ARHGEF26: variants seen among roughly 807,000 people sequenced by gnomAD.
ARHGEF26 encodes the protein Rho guanine nucleotide exchange factor 26, also known as Rho guanine nucleotide exchange factor (GEF) 26.
Under a neutral mutation model 89.4 loss-of-function variants are expected in ARHGEF26, and 59 were observed. The ratio of observed to expected loss-of-function variants is 0.66; its 90% CI spans 0.54 to 0.82. The LOEUF (loss-of-function observed/expected upper bound fraction) is 0.82, where lower values mean the gene tolerates loss of function less well. Ranked by LOEUF, ARHGEF26 falls within the 40% of genes least tolerant of loss-of-function variation. The probability of loss-of-function intolerance (pLI) is 0.00; values close to 1 mark genes in which losing one functional copy is unlikely to be tolerated. For synonymous variants in ARHGEF26, 500 were observed against 428.4 expected (o/e 1.17, Z -2.06); for missense variants, 1,234 against 1,085.6 (o/e 1.14, Z -1.92).
intron 6 of ARHGEF26, among the ~76,000 whole-genome samples, chr3:154,165,470 A>G (rs529244871): frequency 6.6e-6 from 1 of 152,306 alleles, no homozygotes; most frequent in East Asian, 1.9e-4. Flanking sequence ...TTTTCTCTGC[A>G]TGCTGTTGAA....
At chr3:154,141,466 A>G (rs1719379242) in intron 4 of ARHGEF26, among the ~76,000 whole-genome samples, 1 of 152,162 alleles carries the variant, frequency 6.6e-6, no homozygotes, top group South Asian at 2.1e-4. Flanking sequence ...TCCATGATGT[A>G]CTATGGCACA....
At chr3:154,125,053 C>G (rs932505904) in intron 3 of ARHGEF26, among the ~76,000 whole-genome samples, 4 of 151,240 alleles carry the variant, frequency 2.6e-5, no homozygotes, top group African/African-American at 9.7e-5. Context: ...ATAGATGGGT[C>G]AAGCGTCAGC....
intron 3 of ARHGEF26, among the ~76,000 whole-genome samples, chr3:154,128,803 C>G (rs147315840): frequency 2.0e-5 from 3 of 152,176 alleles, no homozygotes. Flanking sequence ...TCCAGTGAGG[C>G]CTTCCTAAAC....
chr3:154,228,586 T>G (rs1264400499), intron 11 of ARHGEF26, among the ~76,000 whole-genome samples: 4 of 152,060 alleles, frequency 2.6e-5, no homozygotes, highest in Admixed American at 2.6e-4. Context: ...TCATTATATT[T>G]CTAGGGTGTT....
chr3:154,132,614 C>T (rs1051281956), intron 4 of ARHGEF26, among the ~76,000 whole-genome samples: 3 of 152,078 alleles, frequency 2.0e-5, no homozygotes, highest in South Asian at 2.1e-4. Flanking sequence ...CAAAAGTGAT[C>T]GGCACCTCTA....
chr3:154,248,932 T>C (rs975272464), intron 12 of ARHGEF26, among the ~76,000 whole-genome samples: 1 of 152,158 alleles, frequency 6.6e-6, no homozygotes, highest in African/African-American at 2.4e-5. Flanking sequence ...TGAACTAATC[T>C]AGTTGAATTG....
intron 7 of ARHGEF26, among the ~76,000 whole-genome samples, chr3:154,188,677 G>A (rs1201893692): frequency 6.6e-6 from 1 of 152,060 alleles, no homozygotes; most frequent in Non-Finnish European, 1.5e-5. Context: ...ATGGAGCTTC[G>A]GTCAACTTCT....
At chr3:154,213,817 TA>T (rs904795521) in intron 9 of ARHGEF26, among the ~76,000 whole-genome samples, 1 of 152,080 alleles carries the variant, frequency 6.6e-6, no homozygotes, top group Non-Finnish European at 1.5e-5. Flanking sequence ...TTCTTTTTTT[TA>T]AAAATGACTT....
At chr3:154,127,583 C>G (rs1011410125) in intron 3 of ARHGEF26, among the ~76,000 whole-genome samples, 7 of 139,742 alleles carry the variant, frequency 5.0e-5, no homozygotes, top group Admixed American at 2.3e-4. Flanking sequence ...CTGCCTGAGG[C>G]TGTTTCACAG....
At chr3:154,166,080 T>G (rs945138739) in intron 6 of ARHGEF26, among the ~76,000 whole-genome samples, 17 of 152,168 alleles carry the variant, frequency 1.1e-4, no homozygotes, top group African/African-American at 4.1e-4. Flanking sequence ...CTCGCTCTAT[T>G]GCCCAGGCTG....
At chr3:154,150,682 T>G (rs1719969301) in intron 5 of ARHGEF26, among the ~76,000 whole-genome samples, 1 of 152,138 alleles carries the variant, frequency 6.6e-6, no homozygotes, top group Non-Finnish European at 1.5e-5. Context: ...TTGTTAACAT[T>G]GTGACATAAA....
At chr3:154,140,348 C>T (rs1472963821) in intron 4 of ARHGEF26, among the ~76,000 whole-genome samples, 3 of 152,096 alleles carry the variant, frequency 2.0e-5, no homozygotes, top group Admixed American at 2.0e-4. Context: ...ATGTTAAATG[C>T]GGCTGCTAGT....
rs534524098 is a variant in ARHGEF26 at position 154,205,665 on chromosome 3, T to G, written c.1845+10947T>G. Among the ~76,000 whole-genome samples, 39 of 152,316 alleles carry G rather than the reference T, an allele frequency of 2.6e-4. 5 individuals carry two copies. The highest frequency in any genetic ancestry group is 1.3e-3 in the Admixed American group (20 of 15,294). ...TTTTTTGCTTTTTATTTTTTGTGTTTAAGGTTATCATGAGGCTTGCAAATA... is the reference window on the plus strand; with the variant it reads ...TTTTTTGCTTTTTATTTTTTGTGTTGAAGGTTATCATGAGGCTTGCAAATA... On this transcript the variant is annotated intron_variant, in intron 9 of 14. Transcript: ENST00000465093.
chr3:154,155,688 T>G (rs1434970429), intron 6 of ARHGEF26, among the ~76,000 whole-genome samples: 2 of 152,030 alleles, frequency 1.3e-5, no homozygotes, highest in East Asian at 3.8e-4. Flanking sequence ...GCCTTTTCAA[T>G]AGAGTATGTA....
intron 9 of ARHGEF26, among the ~76,000 whole-genome samples, chr3:154,210,299 G>A (rs545144981): frequency 7.1e-4 from 108 of 152,142 alleles, no homozygotes; most frequent in South Asian, 2.1e-3. Context: ...CAGGGCCCTC[G>A]GCATAGTACC....
At chr3:154,253,231 G>T (rs751115572) in intron 13 of ARHGEF26, 48 bp downstream of exon 13, 1 of 1,602,578 alleles carries the variant, frequency 6.2e-7, no homozygotes, top group Non-Finnish European at 8.5e-7. Flanking sequence ...GATGGGCTCT[G>T]CCCCCTGCTG....
In ARHGEF26 at chr3:154,219,664, C is replaced by T. The variant is rs144880413; in HGVS notation, c.1935+1706C>T. 2.9e-3 allele frequency among the ~76,000 whole-genome samples: 445 copies of T among 151,420 alleles called. 1 individual carries two copies. The highest frequency in any genetic ancestry group is 0.01 in the African/African-American group (418 of 41,300). Reference sequence around the variant, plus strand: ...TTAATTTGTAATTGAAAAATGCTAACCCCAAGGATCATTAAAAGTAAGTGA... The same window carrying T: ...TTAATTTGTAATTGAAAAATGCTAATCCCAAGGATCATTAAAAGTAAGTGA... On this transcript the variant is annotated intron_variant, in intron 10 of 14. Coordinates refer to ENST00000465093, the MANE Select transcript of ARHGEF26 (RefSeq NM_015595.4).
intron 6 of ARHGEF26, among the ~76,000 whole-genome samples, chr3:154,162,757 C>T (rs569975827): frequency 3.9e-5 from 6 of 152,192 alleles, no homozygotes; most frequent in African/African-American, 9.6e-5. Flanking sequence ...ACACTTACCT[C>T]GCCCCCTGAG....
At chr3:154,244,690 C>G (rs1270458553) in intron 12 of ARHGEF26, among the ~76,000 whole-genome samples, 1 of 151,514 alleles carries the variant, frequency 6.6e-6, no homozygotes, top group Admixed American at 6.6e-5. Context: ...TTATCAATAA[C>G]AAATTATAAA....
Sources: gnomAD v4.1 joint callset for allele counts (sites outside exome capture counted in the v4.1 genomes callset) on GRCh38, gnomAD v4.1.1 for gene constraint, MANE v1.5 for transcripts, NCBI Gene and HGNC (gene_info 2026-07-23, HGNC 2026-07-21) for gene names.